Variants in INPP4A observed in about 807,000 individuals in gnomAD.
INPP4A encodes inositol polyphosphate-4-phosphatase type I A.
In INPP4A, 33 loss-of-function variants were observed where a neutral mutation model predicts 119.8. The ratio of observed to expected loss-of-function variants is 0.28; its 90% confidence interval spans 0.21 to 0.37. The LOEUF is 0.37. Ranked by LOEUF, INPP4A falls within the 10% of genes least tolerant of loss-of-function variation. The pLI is 1.00. For synonymous variants in INPP4A, 496 were observed against 500.7 expected (o/e 0.99, Z 0.12); for missense variants, 956 against 1,289.9 (o/e 0.74, Z 3.97).
At chr2:98,581,592 G>T (rs1435369644) in intron 24 of INPP4A, 1 of 1,549,376 alleles carries the variant, frequency 6.5e-7, no homozygotes, top group Non-Finnish European at 8.7e-7. Context: ...AACACGGGAG[G>T]TAGTCACCCA....
Position 98,555,699 on chromosome 2 carries a change from G to A in INPP4A, c.1713G>A (p.Pro571=), listed in dbSNP as rs1559068380. The A allele has an allele frequency of 1.1e-5, 17 of 1,613,310 alleles. 1 individual carries two copies. The highest frequency in any genetic ancestry group is 5.5e-5 in the South Asian group (5 of 90,954). ...GCTGCACCAGCAAGAAAGGTAACCC[G>A]GACAGCCACGCCTACTGGATCAGAC... The part of the protein sequence containing the change: ...AGSCTSKKGN[P]DSHAYWIRPE... The change falls in exon 16 of 25, where the codon CCG becomes CCA. Residue 571 remains proline, a synonymous_variant. Transcript: ENST00000409851.
At chr2:98,581,795 A>G (rs1273864455) in intron 24 of INPP4A, 1 of 1,584,140 alleles carries the variant, frequency 6.3e-7, no homozygotes, top group Middle Eastern at 1.8e-4. Context: ...AAGAAAAACA[A>G]AAGTGCCAGA....
chr2:98,543,429 A>T (rs1198048989), intron 10 of INPP4A, among the ~76,000 whole-genome samples: 1 of 152,164 alleles, frequency 6.6e-6, no homozygotes, highest in South Asian at 2.1e-4. Context: ...ATGACGAGGC[A>T]AGCAGGAGGT....
intron 10 of INPP4A, among the ~76,000 whole-genome samples, chr2:98,541,188 G>A (rs1057032990): frequency 8.5e-5 from 13 of 152,062 alleles, no homozygotes; most frequent in Non-Finnish European, 1.5e-4. Context: ...TTAGCCGGGC[G>A]CGGTGGTGGG....
At chr2:98,576,838 G>T in intron 23 of INPP4A, 151 bp from the exon 24 acceptor site, 1 of 914,744 alleles carries the variant, frequency 1.1e-6, no homozygotes, top group East Asian at 2.7e-5. Context: ...GCATGGAGTT[G>T]GGGAACAAAA....
At chr2:98,455,225 C>T (rs960680024) in intron 1 of INPP4A, among the ~76,000 whole-genome samples, 6 of 152,106 alleles carry the variant, frequency 3.9e-5, no homozygotes, top group African/African-American at 1.4e-4. Context: ...ATATTCCCAG[C>T]TTCTTGGGAG....
In INPP4A at chr2:98,563,478, G is replaced by A; in HGVS notation, c.1869G>A (p.Glu623=). 6.2e-7 allele frequency: 1 copy of A among 1,612,984 alleles called. No individual in the cohort carries two copies. The highest frequency in any genetic ancestry group is 8.5e-7 in the Non-Finnish European group (1 of 1,179,454). The part of the protein sequence containing the change: ...PEESSPGEWS[E]ALYPLLTTLT... Reference sequence around the variant, plus strand: ...CTTGTGCCCCAGGTGAATGGAGTGAGGCCCTTTACCCGCTGCTGACCACTC... The same window carrying A: ...CTTGTGCCCCAGGTGAATGGAGTGAAGCCCTTTACCCGCTGCTGACCACTC... The change falls in exon 18 of 25, where the codon GAG becomes GAA. Residue 623 remains glutamate, a synonymous_variant. Coordinates refer to ENST00000409851, the MANE Select transcript of INPP4A (RefSeq NM_001134225.2).
chr2:98,559,242 T>C (rs1695024158), intron 16 of INPP4A, among the ~76,000 whole-genome samples: 1 of 152,280 alleles, frequency 6.6e-6, no homozygotes, highest in African/African-American at 2.4e-5. Flanking sequence ...CTGGGGAATC[T>C]GTCATTGTTT....
intron 1 of INPP4A, among the ~76,000 whole-genome samples, chr2:98,493,948 T>A (rs1681377266): frequency 6.6e-6 from 1 of 152,182 alleles, no homozygotes; most frequent in African/African-American, 2.4e-5. Flanking sequence ...AAAAATTATT[T>A]TAAGAAAACA....
intron 1 of INPP4A, among the ~76,000 whole-genome samples, chr2:98,457,942 AG>A (rs1452326026): frequency 2.6e-5 from 4 of 151,740 alleles, no homozygotes; most frequent in Non-Finnish European, 5.9e-5. Context: ...CAAGGACTAC[AG>A]GCATATGCCA....
chr2:98,554,495 T>C lies in INPP4A; in HGVS notation c.1566+6T>C, dbSNP rs1235151699. The C allele has an allele frequency of 6.2e-7, 1 of 1,610,348 alleles. No homozygotes were observed. The highest frequency in any genetic ancestry group is 8.5e-7 in the Non-Finnish European group (1 of 1,178,004). On this transcript the variant is annotated splice_donor_region_variant and intron_variant, in intron 15 of 24. Coordinates refer to ENST00000409851, the MANE Select transcript of INPP4A (RefSeq NM_001134225.2). This position sits in a 1 kb window ranked among gnomAD's most constrained non-coding sequence, Gnocchi z 4.7. ...ACTGGCACGAGGAGGAGTGGGTGAGTCTGCTGCTGTGGCTGTCATCCCACT... is the reference window on the plus strand; with the variant it reads ...ACTGGCACGAGGAGGAGTGGGTGAGCCTGCTGCTGTGGCTGTCATCCCACT...
chr2:98,500,674 T>C (rs1682946416), intron 1 of INPP4A, among the ~76,000 whole-genome samples: 1 of 152,168 alleles, frequency 6.6e-6, no homozygotes, highest in Non-Finnish European at 1.5e-5. Flanking sequence ...TAAAGTGGAT[T>C]CTGGCTAAAC....
Position 98,494,708 on chromosome 2 carries a change from A to G in INPP4A, c.-165-24256A>G, listed in dbSNP as rs561282396. Reference sequence around the variant, plus strand: ...AAAAGCTTGGGCCAGAGACCAGGAAAGAGACAGTAAAGAGTGTCTGGGATC... The same window carrying G: ...AAAAGCTTGGGCCAGAGACCAGGAAGGAGACAGTAAAGAGTGTCTGGGATC... On this transcript the variant is annotated intron_variant, in intron 1 of 24. Transcript: ENST00000409851. Among the ~76,000 whole-genome samples the G allele has an allele frequency of 3.9e-5, 6 of 152,354 alleles. No homozygotes were observed. In the South Asian group the frequency reaches 1.0e-3, roughly 26 times the overall value.
chr2:98,446,463 T>C (rs113286617), intron 1 of INPP4A, among the ~76,000 whole-genome samples: 1,578 of 152,114 alleles, frequency 0.01, 45 homozygotes, highest in African/African-American at 0.036. Context: ...GCCGTGATGC[T>C]GTCTGTCCCA....
At chr2:98,555,528 C>T (rs1228051490) in intron 15 of INPP4A, 25 bp from the exon 16 acceptor site, 1 of 1,571,988 alleles carries the variant, frequency 6.4e-7, no homozygotes, top group Non-Finnish European at 8.7e-7. Context: ...AGAGCTGACC[C>T]ACATGGGCCC....
intron 4 of INPP4A, 117 bp from the exon 5 acceptor site, chr2:98,533,260 G>C (rs1160474603): frequency 3.1e-6 from 2 of 644,614 alleles, no homozygotes; most frequent in Non-Finnish European, 5.5e-6. Context: ...CGATGTGATC[G>C]TCTCATCTCT....
At chr2:98,466,881 G>A (rs1574546883) in intron 1 of INPP4A, among the ~76,000 whole-genome samples, 6 of 152,292 alleles carry the variant, frequency 3.9e-5, no homozygotes, top group Admixed American at 3.9e-4. Context: ...TCTTAGAGTA[G>A]CCGGGAAAGG....
At chr2:98,464,680 T>G (rs1674380036) in intron 1 of INPP4A, among the ~76,000 whole-genome samples, 1 of 152,154 alleles carries the variant, frequency 6.6e-6, no homozygotes, top group South Asian at 2.1e-4. Context: ...TTCTGCAAGG[T>G]AAGATGGCCC....
Position 98,546,092 on chromosome 2 carries a change from C to T in INPP4A, c.1054+19C>T, listed in dbSNP as rs1692429495. On this transcript the variant is annotated intron_variant, in intron 12 of 24. Transcript: ENST00000409851. This position sits in a 1 kb window ranked among gnomAD's most constrained non-coding sequence, Gnocchi z 4.2. ...GGATCAGGTACCTATTTTTCTGCTC[C>T]CTCTTGTTGAATCACATTTCGCTGC... 1.3e-6 allele frequency: 2 copies of T among 1,508,022 alleles called. No individual in the cohort carries two copies. Among genetic ancestry groups the T allele is most frequent in the South Asian group, 2.4e-5 (2 of 83,340 alleles). 93.4% of individuals were successfully genotyped at this position (1,508,022 alleles called of 1,614,324 possible).
Sources: gnomAD v4.1 joint callset for allele counts (sites outside exome capture counted in the v4.1 genomes callset) on GRCh38, gnomAD v4.1.1 for gene constraint, Gnocchi (gnomAD v3.1) non-coding constraint, MANE v1.5 for transcripts, NCBI Gene and HGNC (gene_info 2026-07-23, HGNC 2026-07-21) for gene names.